XG: variants seen among roughly 807,000 people sequenced by gnomAD.
XG encodes Xg glycoprotein (Xg blood group), also known as glycoprotein Xg.
A neutral mutation model predicts 25.7 loss-of-function variants in XG; 24 were observed. That is an observed-to-expected ratio of 0.93 (90% CI 0.68 to 1.31). The LOEUF is 1.31. Among genes scored for constraint, XG ranks in the 40% most tolerant of loss-of-function variants. The pLI is 0.00. For missense variants in XG, 181 were observed against 187.6 expected (o/e 0.96, Z 0.21); for synonymous variants, 77 against 69.2 (o/e 1.11, Z -0.56).
chrX:2,790,524 A>G, intron 5 of XG, among the ~76,000 whole-genome samples: 1 of 84,235 alleles, frequency 1.2e-5, no homozygotes, highest in Admixed American at 1.3e-4. Flanking sequence ...AAAAAAAAAG[A>G]AGTGCTTCAC....
At chrX:2,810,650 T>G in intron 9 of XG, among the ~76,000 whole-genome samples, 1 of 110,574 alleles carries the variant, frequency 9.0e-6, no homozygotes. Flanking sequence ...GCGCGGTGGC[T>G]CCCCTCTGTA....
intron 1 of XG, among the ~76,000 whole-genome samples, chrX:2,754,560 T>C (rs1310492284): frequency 1.3e-5 from 2 of 151,992 alleles, no homozygotes; most frequent in African/African-American, 4.8e-5. Flanking sequence ...ACTAATGCAA[T>C]AGAAATATAT....
intron 2 of XG, among the ~76,000 whole-genome samples, chrX:2,772,059 GC>G (rs1197625984): frequency 2.0e-5 from 3 of 152,154 alleles, no homozygotes; most frequent in African/African-American, 7.2e-5. Context: ...TGAGTGTGTT[GC>G]ACCAGCGTTT....
At chrX:2,808,426 A>G in intron 9 of XG, 4 of 850,589 alleles carry the variant, frequency 4.7e-6, no homozygotes, top group Non-Finnish European at 6.3e-6. Context: ...AGGAGAGGCA[A>G]GCATTGGTTT....
At chrX:2,805,596 C>A in intron 7 of XG, among the ~76,000 whole-genome samples, 1 of 109,096 alleles carries the variant, frequency 9.2e-6, no homozygotes. Context: ...TTGATTCTCT[C>A]ACCGTCCTAG....
At chrX:2,774,818 T>G in intron 3 of XG, 79 bp downstream of exon 3, 1 of 1,568,036 alleles carries the variant, frequency 6.4e-7, no homozygotes, top group Non-Finnish European at 8.8e-7. Flanking sequence ...TGAGGATGTT[T>G]TACAGAACTG....
At chrX:2,767,394 C>T (rs963595878) in intron 1 of XG, among the ~76,000 whole-genome samples, 13 of 152,010 alleles carry the variant, frequency 8.6e-5, no homozygotes, top group Non-Finnish European at 1.3e-4. Flanking sequence ...AACCGAGGAC[C>T]GTTGTCATAG....
rs181554185 is a variant in XG, at chrX:2,755,787, C to T, written c.61+3452C>T. On this transcript the variant is annotated intron_variant, in intron 1 of 10. Coordinates refer to ENST00000644266, the MANE Select transcript of XG (RefSeq NM_001141919.2). ...GGTAAAAATTAGTTAAATGCACAGA[C>T]GACCCTGTTTCATCCCCAGCCATCA... 1.7e-4 allele frequency among the ~76,000 whole-genome samples: 26 copies of T among 152,182 alleles called. No individual in the cohort carries two copies. The East Asian group carries it at 3.3e-3, about 19-fold the overall frequency.
chrX:2,799,236 T>A (rs1052128108), intron 7 of XG, among the ~76,000 whole-genome samples: 3 of 111,625 alleles, frequency 2.7e-5, no homozygotes, highest in African/African-American at 9.7e-5. Flanking sequence ...ATCCTCACTC[T>A]ACTCCCACCC....
At chrX:2,804,546 T>C (rs1171354960) in intron 7 of XG, among the ~76,000 whole-genome samples, 3 of 111,088 alleles carry the variant, frequency 2.7e-5, no homozygotes, top group Non-Finnish European at 5.7e-5. Flanking sequence ...AAGCGAGCCG[T>C]CCCCACACCC....
rs1260292590 is a variant in XG, at chrX:2,765,192, A to C, written c.62-5358A>C. 3.4e-3 allele frequency among the ~76,000 whole-genome samples: 520 copies of C among 151,760 alleles called. 4 individuals are homozygous for C. The highest frequency in any genetic ancestry group is 0.012 in the African/African-American group (485 of 41,326). On this transcript the variant is annotated intron_variant, in intron 1 of 10. Transcript: ENST00000644266. ...GAAACCCCATCTCTACTAAAAATAA[A>C]AAAAATTAGTTGGGCATAGTAGGGG...
In XG at chrX:2,804,668, A is replaced by G. The variant is rs745861455; in HGVS notation, c.374-2033A>G. Among the ~76,000 whole-genome samples, 7 of 111,792 alleles carry G rather than the reference A, an allele frequency of 6.3e-5. No homozygotes were observed. In the South Asian group the frequency reaches 2.7e-3, roughly 43 times the overall value. On this transcript the variant is annotated intron_variant, in intron 7 of 10. Transcript: ENST00000644266. Reference sequence around the variant, plus strand: ...GTTCTCTGGCATACTCATCAGGTAGAAAGAAGTGATTCAGCAAGCGGCTCC... The same window carrying G: ...GTTCTCTGGCATACTCATCAGGTAGGAAGAAGTGATTCAGCAAGCGGCTCC...
At chrX:2,765,699 G>T (rs1355014362) in intron 1 of XG, among the ~76,000 whole-genome samples, 1 of 152,200 alleles carries the variant, frequency 6.6e-6, no homozygotes, top group African/African-American at 2.4e-5. Context: ...AATTCAGTGG[G>T]GAGCAGAGGT....
intron 1 of XG, among the ~76,000 whole-genome samples, chrX:2,753,334 T>C (rs1276320102): frequency 6.6e-6 from 1 of 152,172 alleles, no homozygotes; most frequent in Admixed American, 6.6e-5. Flanking sequence ...TACAGGGAGA[T>C]GTTCAACAGT....
chrX:2,795,005 T>A (rs1182152912), intron 6 of XG, among the ~76,000 whole-genome samples: 1 of 111,452 alleles, frequency 9.0e-6, no homozygotes, highest in Non-Finnish European at 1.9e-5. Context: ...TGTGTGTATA[T>A]ATGCTTTTAA....
intron 1 of XG, among the ~76,000 whole-genome samples, 189 bp from the exon 2 acceptor site, chrX:2,770,361 G>T (rs2050790108): frequency 6.6e-6 from 1 of 152,104 alleles, no homozygotes; most frequent in Non-Finnish European, 1.5e-5. Flanking sequence ...CTTCTTTTGG[G>T]TGATGAGTAT....
At chrX:2,812,714 A>C (rs777963702) in intron 10 of XG, among the ~76,000 whole-genome samples, 1 of 111,510 alleles carries the variant, frequency 9.0e-6, no homozygotes, top group Non-Finnish European at 1.9e-5. Flanking sequence ...TTTCTGAAAA[A>C]CTGCCTTATT....
chrX:2,754,476 C>T (rs2050393448), intron 1 of XG, among the ~76,000 whole-genome samples: 1 of 152,274 alleles, frequency 6.6e-6, no homozygotes, highest in African/African-American at 2.4e-5. Context: ...TGTCCCTCAG[C>T]CCTATGACGG....
intron 7 of XG, among the ~76,000 whole-genome samples, chrX:2,802,258 G>A (rs989309837): frequency 4.5e-5 from 5 of 110,001 alleles, no homozygotes; most frequent in South Asian, 4.0e-4. Context: ...GGGCTCAAGC[G>A]ATCCTCCCGC....
Sources: gnomAD v4.1 joint callset for allele counts (sites outside exome capture counted in the v4.1 genomes callset) on GRCh38, gnomAD v4.1.1 for gene constraint, MANE v1.5 for transcripts, NCBI Gene and HGNC (gene_info 2026-07-23, HGNC 2026-07-21) for gene names.